Variants in OSBPL2 observed in about 807,000 individuals in gnomAD.
The protein encoded by OSBPL2 is oxysterol-binding protein-related protein 2.
A neutral mutation model predicts 58.4 loss-of-function variants in OSBPL2; 18 were observed. The ratio of observed to expected loss-of-function variants is 0.31; its 90% CI spans 0.21 to 0.46. The LOEUF is 0.46. OSBPL2 is among the 20% of genes least tolerant of loss of function. The pLI is 1.00. For missense variants in OSBPL2, 461 were observed against 616.5 expected (o/e 0.75, Z 2.67); for synonymous variants, 221 against 234.1 (o/e 0.94, Z 0.51).
chr20:62,239,505 C>T (rs561736952), intron 1 of OSBPL2, among the ~76,000 whole-genome samples: 5 of 152,310 alleles, frequency 3.3e-5, no homozygotes, highest in African/African-American at 9.6e-5. Flanking sequence ...TCTATCTGAA[C>T]CGTCCTCTAG....
chr20:62,248,700 A>T (rs989301560), intron 1 of OSBPL2, among the ~76,000 whole-genome samples: 4 of 151,274 alleles, frequency 2.6e-5, no homozygotes, highest in African/African-American at 4.9e-5. Flanking sequence ...TTATTTATTT[A>T]TTTTTTAAGA....
rs1447666196 is a variant in OSBPL2, at chr20:62,269,105, T to C, written c.259-3020T>C. Among the ~76,000 whole-genome samples the C allele has an allele frequency of 6.6e-6, 1 of 152,168 alleles. No homozygotes were observed. Among genetic ancestry groups the C allele is most frequent in the East Asian group, 1.9e-4 (1 of 5,180 alleles). On this transcript the variant is annotated intron_variant, in intron 4 of 13. Transcript: ENST00000313733. This position sits in a 1 kb window ranked among gnomAD's most constrained non-coding sequence, Gnocchi z 4.2. ...TTGTAGAGACGGGGTCTCACTTTGT[T>C]GCCCAGGCTGGTCTTAAACTCCTGG...
chr20:62,245,926 G>A (rs1205794663), intron 1 of OSBPL2, among the ~76,000 whole-genome samples: 5 of 152,272 alleles, frequency 3.3e-5, no homozygotes, highest in African/African-American at 4.8e-5. Flanking sequence ...TTGGCAGAAG[G>A]CGTGTTTCAG....
At chr20:62,267,125 C>T (rs189388285) in intron 4 of OSBPL2, among the ~76,000 whole-genome samples, 2 of 152,344 alleles carry the variant, frequency 1.3e-5, no homozygotes, top group Non-Finnish European at 1.5e-5. Flanking sequence ...CATGCCTGGG[C>T]TCCCAGCTAC....
At chr20:62,261,458 C>T (rs1872964458) in intron 3 of OSBPL2, among the ~76,000 whole-genome samples, 1 of 152,216 alleles carries the variant, frequency 6.6e-6, no homozygotes, top group Non-Finnish European at 1.5e-5. Flanking sequence ...CTGCTCCAGC[C>T]TGGCCTCAGG....
intron 4 of OSBPL2, among the ~76,000 whole-genome samples, chr20:62,270,298 C>T (rs1981973233): frequency 6.6e-6 from 1 of 151,946 alleles, no homozygotes; most frequent in Admixed American, 6.5e-5. Flanking sequence ...CCACTAGCAC[C>T]TCCTCCTCCA....
rs142146131 is a variant in OSBPL2 at position 62,262,318 on chromosome 20, G to T, written c.183-1298G>T. Among the ~76,000 whole-genome samples the T allele has an allele frequency of 1.3e-3, 201 of 152,338 alleles. 3 individuals carry two copies. The highest frequency in any genetic ancestry group is 0.011 in the South Asian group (52 of 4,826). Reference sequence around the variant, plus strand: ...GTTGCCTCCCGTCCCAGCTGCAGGGGCCTCTTTCAGGTCCTCGGGTGTGTC... The same window carrying T: ...GTTGCCTCCCGTCCCAGCTGCAGGGTCCTCTTTCAGGTCCTCGGGTGTGTC... On this transcript the variant is annotated intron_variant, in intron 3 of 13. Transcript: ENST00000313733.
chr20:62,246,074 G>A (rs1244070786), intron 1 of OSBPL2, among the ~76,000 whole-genome samples: 7 of 152,336 alleles, frequency 4.6e-5, no homozygotes, highest in African/African-American at 1.2e-4. Flanking sequence ...TGCCATTCCC[G>A]CGTCTCCTCG....
At position 62,268,139 on chromosome 20, in the gene OSBPL2, C is replaced by T. The variant is rs377651463; in HGVS notation, c.259-3986C>T. 2.7e-4 allele frequency among the ~76,000 whole-genome samples: 40 copies of T among 150,428 alleles called. No homozygotes were observed. The East Asian group carries it at 4.5e-3, about 17-fold the overall frequency. ...GTCTCAAACTCCTGACCTTGTGATC[C>T]GCCCACCTCGGCCTCCCAAAGTGTT... On this transcript the variant is annotated intron_variant, in intron 4 of 13. Coordinates refer to ENST00000313733, the MANE Select transcript of OSBPL2 (RefSeq NM_144498.4).
chr20:62,289,658 CT>C (rs1369114266), intron 12 of OSBPL2, among the ~76,000 whole-genome samples: 2 of 152,212 alleles, frequency 1.3e-5, no homozygotes, highest in Non-Finnish European at 2.9e-5. Flanking sequence ...AACCCCAGCA[CT>C]TTGGGAGGCT....
At chr20:62,271,414 A>G (rs565429939) in intron 4 of OSBPL2, among the ~76,000 whole-genome samples, 2 of 152,258 alleles carry the variant, frequency 1.3e-5, no homozygotes, top group South Asian at 2.1e-4. Flanking sequence ...GCCAGGGACT[A>G]TTTTTAACGG....
intron 1 of OSBPL2, among the ~76,000 whole-genome samples, chr20:62,254,940 A>AT (rs1319035259): frequency 3.9e-5 from 6 of 152,222 alleles, no homozygotes; most frequent in African/African-American, 1.2e-4. Context: ...TAGTTGTGAA[A>AT]TTTTAGACAT....
In OSBPL2 at chr20:62,279,329, G is replaced by C; in HGVS notation, c.664G>C (p.Glu222Gln). 4 of 1,614,200 alleles carry C rather than the reference G, an allele frequency of 2.5e-6. No homozygotes were observed. The highest frequency in any genetic ancestry group is 3.4e-6 in the Non-Finnish European group (4 of 1,180,026). ...EAEPRGTITL[E>Q]LLKHNEAYTW... ...GGAGCCCCGAGGCACCATCACCCTG[G>C]AGCTGCTCAAGTGAGTGTCGGTGCG... The change falls in exon 7 of 14, where the codon GAG becomes CAG. Residue 222 changes from glutamate to glutamine, a missense_variant. Around this residue, in one of 5 missense-constraint regions of OSBPL2, gnomAD observed 319 missense variants for 419.2 expected, o/e 0.76. Coordinates refer to ENST00000313733, the MANE Select transcript of OSBPL2 (RefSeq NM_144498.4).
chr20:62,258,524 G>A (rs1981085098), intron 2 of OSBPL2, among the ~76,000 whole-genome samples: 1 of 152,204 alleles, frequency 6.6e-6, no homozygotes. Flanking sequence ...GGTTTCCGAG[G>A]GAGCCGACGA....
chr20:62,260,555 T>C (rs1981230571), intron 3 of OSBPL2, among the ~76,000 whole-genome samples: 1 of 152,200 alleles, frequency 6.6e-6, no homozygotes, highest in South Asian at 2.1e-4. Context: ...GGAGTTCTAT[T>C]GCAGTGTGTT....
intron 6 of OSBPL2, chr20:62,278,821 T>C (rs1243557686): frequency 7.3e-6 from 2 of 275,232 alleles, no homozygotes; most frequent in African/African-American, 2.4e-5. Context: ...GATATCGTGT[T>C]TGTGTGTGTG....
rs772793664 is a variant in OSBPL2 at position 62,293,770 on chromosome 20, C to G, written c.1341-15C>G. On this transcript the variant is annotated splice_polypyrimidine_tract_variant and intron_variant, in intron 13 of 13. Coordinates refer to ENST00000313733, the MANE Select transcript of OSBPL2 (RefSeq NM_144498.4). ...GGCTGAGCATCTTCTGACCCCCCTC[C>G]CTTGTATCCGGCAGGTGGTTCTACC... is the stretch of plus-strand genomic sequence containing the variant. 2 of 1,612,260 alleles carry G rather than the reference C, an allele frequency of 1.2e-6. No individual in the cohort carries two copies. The highest frequency in any genetic ancestry group is 1.7e-6 in the Non-Finnish European group (2 of 1,179,206).
chr20:62,251,865 C>CTTTTTTTTCTTT, intron 1 of OSBPL2, among the ~76,000 whole-genome samples: 1 of 41,738 alleles, frequency 2.4e-5, no homozygotes, highest in African/African-American at 1.1e-4. Flanking sequence ...ATTGGTATGC[C>CTTTTTTTTCTTT]TTTTTTTTTT....
rs1398412336 is a variant in OSBPL2, at chr20:62,284,073, C to T, written c.900C>T (p.Gly300=). ...AAAAGAAGCTCTTTATGATCTATGG[C>T]AAATGGACGGAATGTTTGTGGGGCA... ...KNKKKLFMIY[G]KWTECLWGID... Residue 300 remains glycine, a synonymous_variant, in exon 10 of 14, where the codon GGC becomes GGT. Transcript: ENST00000313733. 3.7e-6 allele frequency: 6 copies of T among 1,613,878 alleles called. No homozygotes were observed. In the East Asian group the frequency reaches 6.7e-5, roughly 18 times the overall value.
Sources: gnomAD v4.1 joint callset for allele counts (sites outside exome capture counted in the v4.1 genomes callset) on GRCh38, gnomAD v4.1.1 for gene constraint, gnomAD v4.1.1 regional missense constraint, Gnocchi (gnomAD v3.1) non-coding constraint, MANE v1.5 for transcripts, NCBI Gene and HGNC (gene_info 2026-07-23, HGNC 2026-07-21) for gene names.